RNF103: variants seen among roughly 807,000 people sequenced by gnomAD.
RNF103 encodes the protein E3 ubiquitin-protein ligase RNF103.
Under a neutral mutation model 66.2 loss-of-function variants are expected in RNF103, and 23 were observed. That is an observed-to-expected ratio of 0.35 (90% CI 0.25 to 0.49). The LOEUF is 0.49. Among genes scored for constraint, RNF103 ranks in the 20% least tolerant of loss-of-function variants. The pLI, the probability that RNF103 is intolerant of heterozygous loss-of-function variation, is 0.98. For synonymous variants in RNF103, 297 were observed against 289.9 expected, an observed-to-expected ratio of 1.02 and a Z score of -0.25; for missense variants, 730 against 814.7, an observed-to-expected ratio of 0.90 and a Z score of 1.27.
chr2:86,622,605 T>C, intron 1 of RNF103, 56 bp downstream of exon 1: 2 of 1,551,768 alleles, frequency 1.3e-6, no homozygotes, highest in Non-Finnish European at 1.8e-6. Context: ...TACCAGGAGG[T>C]ACAGGTCGTC....
At chr2:86,609,998 T>A (rs1207126406) in intron 3 of RNF103, among the ~76,000 whole-genome samples, 1 of 152,226 alleles carries the variant, frequency 6.6e-6, no homozygotes, top group Admixed American at 6.5e-5. Context: ...CTAAATTTTG[T>A]TCTTCTATAT....
intron 3 of RNF103, among the ~76,000 whole-genome samples, chr2:86,611,915 CAGA>C (rs1459252304): frequency 1.3e-5 from 2 of 152,004 alleles, no homozygotes; most frequent in African/African-American, 4.8e-5. Flanking sequence ...AGAAAAAACA[CAGA>C]AGAGCCAGAG....
Position 86,623,706 on chromosome 2 carries a change from G to C in RNF103, c.-820C>G, listed in dbSNP as rs1367812990. The C allele has an allele frequency of 8.0e-6, 10 of 1,242,626 alleles. No homozygotes were observed. The highest frequency in any genetic ancestry group is 2.3e-4 in the Middle Eastern group (1 of 4,382). The allele number at this position is 1,242,626 out of a possible 1,614,324, so 77.0% of individuals were successfully genotyped here. ...GGCCCCGAGACTGCTCCTCCAGGCG[G>C]CTACCCGGCTGCCTCCCGGCCACTC... On this transcript the variant is annotated 5_prime_UTR_variant, in exon 1 of 4. Coordinates refer to ENST00000237455, the MANE Select transcript of RNF103 (RefSeq NM_005667.4).
rs1678428493 is a variant in RNF103 at position 86,603,624 on chromosome 2, A to T, written c.*219T>A. Reference sequence around the variant, plus strand: ...CTTACAAAAAAACATTAACTTCTGAATTTCCAATGTTGTAAATAAAAAAAT... The same window carrying T: ...CTTACAAAAAAACATTAACTTCTGATTTTCCAATGTTGTAAATAAAAAAAT... On this transcript the variant is annotated 3_prime_UTR_variant, in exon 4 of 4. Coordinates refer to ENST00000237455, the MANE Select transcript of RNF103 (RefSeq NM_005667.4). The T allele has an allele frequency of 5.4e-6, 3 of 551,410 alleles. No individual in the cohort carries two copies. The highest frequency in any genetic ancestry group is 3.7e-5 in the Admixed American group (1 of 26,730). 34.2% of individuals were successfully genotyped at this position (551,410 alleles called of 1,614,324 possible).
chr2:86,610,929 G>A (rs1375061015), intron 3 of RNF103, among the ~76,000 whole-genome samples: 1 of 149,994 alleles, frequency 6.7e-6, no homozygotes, highest in African/African-American at 2.5e-5. Flanking sequence ...AGCTATCTCA[G>A]ACATTTCAAC....
Position 86,623,750 on chromosome 2 carries a change from A to G in RNF103, c.-864T>C. 7.8e-7 allele frequency: 1 copy of G among 1,276,602 alleles called. No individual in the cohort carries two copies. The highest frequency in any genetic ancestry group is 1.0e-6 in the Non-Finnish European group (1 of 983,802). 79.1% of individuals were successfully genotyped at this position (1,276,602 alleles called of 1,614,324 possible). The stretch of plus-strand genomic sequence containing the variant: ...GCCACTCAGCGCCCGTCCCGCTCGG[A>G]TGGGCAGTGCCGGTCGCAGCACCCG... On this transcript the variant is annotated 5_prime_UTR_variant, in exon 1 of 4. Coordinates refer to ENST00000237455, the MANE Select transcript of RNF103 (RefSeq NM_005667.4).
Position 86,604,394 on chromosome 2 carries a change from G to C in RNF103, c.1507C>G (p.Leu503Val). The C allele has an allele frequency of 6.2e-7, 1 of 1,614,246 alleles. No homozygotes were observed. Among genetic ancestry groups the C allele is most frequent in the South Asian group, 1.1e-5 (1 of 91,088 alleles). Reference protein sequence around the residue: ...LAFPDLWLHPLIPTDYIKNLP... With the variant: ...LAFPDLWLHPVIPTDYIKNLP... ...TTTTTAATATAATCAGTTGGTATCA[G>C]AGGGTGAAGCCAAAGGTCAGGGAAA... Residue 503 changes from leucine (L) to valine (V), a missense_variant, in exon 4 of 4, where the codon CTG becomes GTG. Around this residue, in one of 3 missense-constraint regions of RNF103, gnomAD observed 355 missense variants for 351.9 expected, o/e 1.01. Transcript: ENST00000237455.
At chr2:86,606,182 A>C (rs565521458) in intron 3 of RNF103, among the ~76,000 whole-genome samples, 11,741 of 152,254 alleles carry the variant, frequency 0.077, 491 homozygotes, top group African/African-American at 0.087. Context: ...TCACTTCAAG[A>C]ATGATCCCCA....
intron 3 of RNF103, among the ~76,000 whole-genome samples, 196 bp from the exon 4 acceptor site, chr2:86,605,614 T>A (rs1325069897): frequency 6.6e-6 from 1 of 152,192 alleles, no homozygotes; most frequent in Non-Finnish European, 1.5e-5. Flanking sequence ...TTCTTTTTTT[T>A]TTATTAAATA....
chr2:86,603,545 G>C lies in RNF103; in HGVS notation c.*298C>G. 6.0e-6 allele frequency: 2 copies of C among 331,010 alleles called. No individual in the cohort carries two copies. Among genetic ancestry groups the C allele is most frequent in the Non-Finnish European group, 1.1e-5 (2 of 182,668 alleles). The allele number at this position is 331,010 out of a possible 1,614,324, so 20.5% of individuals were successfully genotyped here. ...AACCGGCTCAATTCCATTAGAATTTGATCCTATCTTGTAAAGTCTTGCTAG... is the reference window on the plus strand; with the variant it reads ...AACCGGCTCAATTCCATTAGAATTTCATCCTATCTTGTAAAGTCTTGCTAG... On this transcript the variant is annotated 3_prime_UTR_variant, in exon 4 of 4. Transcript: ENST00000237455.
At chr2:86,607,159 TTTTA>T (rs1416572121) in intron 3 of RNF103, among the ~76,000 whole-genome samples, 3 of 152,202 alleles carry the variant, frequency 2.0e-5, no homozygotes, top group African/African-American at 4.8e-5. Context: ...CATGGAAACG[TTTTA>T]TTTGTTACAG....
Position 86,605,011 on chromosome 2 carries a change from TA to T in RNF103, c.889del (p.Tyr297ThrfsTer27). ...SYILRTPEGI[Y>X]RYGNHTGEFI... ...TTCGCCTGTGTGGTTTCCATACCTG[TA>T]AATTCCTTCAGGAGTTCTAAGTATG... On this transcript the variant is annotated frameshift_variant, in exon 4 of 4. Transcript: ENST00000237455. LOFTEE classifies it high-confidence loss of function. 1 of 1,614,080 alleles carries T rather than the reference TA, an allele frequency of 6.2e-7. No homozygotes were observed.
chr2:86,616,418 T>G, intron 2 of RNF103: 1 of 829,986 alleles, frequency 1.2e-6, no homozygotes, highest in Non-Finnish European at 1.5e-6. Context: ...GACAAGTGAT[T>G]GACAAAAAAC....
chr2:86,618,377 T>G (rs1217985313), intron 2 of RNF103: 1 of 162,168 alleles, frequency 6.2e-6, no homozygotes, highest in Admixed American at 6.3e-5. Context: ...TAGCTTGGTG[T>G]GTGTTTCTGG....
intron 2 of RNF103, chr2:86,616,652 G>A: frequency 3.0e-6 from 3 of 985,146 alleles, no homozygotes; most frequent in Non-Finnish European, 3.6e-6. Context: ...GAAATATATT[G>A]ATGTAATACT....
Position 86,622,795 on chromosome 2 carries a change from C to T in RNF103, c.92G>A (p.Gly31Asp). 2 of 1,614,162 alleles carry T rather than the reference C, an allele frequency of 1.2e-6. No homozygotes were observed. The highest frequency in any genetic ancestry group is 1.7e-6 in the Non-Finnish European group (2 of 1,180,026). Residue 31 changes from glycine to aspartate, a missense_variant, in exon 1 of 4, where the codon GGC (glycine) becomes GAC (aspartate). Coordinates refer to ENST00000237455, the MANE Select transcript of RNF103 (RefSeq NM_005667.4). ...ATCCACCAGCTGGGTGGCAAAGATG[C>T]CAGTTTCATACCACACAATGGCCTC... ...FFEAIVWYET[G>D]IFATQLVDPV...
At chr2:86,622,101 G>A (rs577189647) in intron 1 of RNF103, among the ~76,000 whole-genome samples, 1 of 152,184 alleles carries the variant, frequency 6.6e-6, no homozygotes, top group South Asian at 2.1e-4. Flanking sequence ...CAAAATGCTC[G>A]CCTTATTTTC....
rs1352543801 is a variant in RNF103, at chr2:86,604,559, T to C, written c.1342A>G (p.Asn448Asp). The change falls in exon 4 of 4, where the codon AAT becomes GAT. Residue 448 changes from asparagine (N) to aspartate (D), a missense_variant. Asn to Asp is a conservative substitution (Grantham distance 23). Coordinates refer to ENST00000237455, the MANE Select transcript of RNF103 (RefSeq NM_005667.4). ...GATAACCATTCTAAGTTATTGGCAT[T>C]GACTTCATCATTGTTGTTGTTGCGC... ...RRRNNNNDEV[N>D]ANNLEWLSSL... The C allele has an allele frequency of 2.5e-6, 4 of 1,614,102 alleles. No individual in the cohort carries two copies. Among genetic ancestry groups the C allele is most frequent in the Non-Finnish European group, 1.7e-6 (2 of 1,180,052 alleles).
intron 2 of RNF103, among the ~76,000 whole-genome samples, chr2:86,615,960 T>C (rs145465852): frequency 1.2e-3 from 187 of 152,328 alleles, no homozygotes; most frequent in African/African-American, 4.4e-3. Flanking sequence ...CTCATTCTTC[T>C]AGTTCTGATT....
Sources: allele counts gnomAD v4.1 joint callset (sites outside exome capture counted in the v4.1 genomes callset), GRCh38; gene constraint gnomAD v4.1.1; regional missense constraint gnomAD v4.1.1; transcripts MANE v1.5; gene names NCBI Gene and HGNC (gene_info 2026-07-23, HGNC 2026-07-21).